VEPH1: variants seen among roughly 807,000 people sequenced by gnomAD.
VEPH1 encodes ventricular zone expressed PH domain containing 1.
A neutral mutation model predicts 85.2 loss-of-function variants in VEPH1; 80 were observed. The ratio of observed to expected loss-of-function variants is 0.94; its 90% CI spans 0.78 to 1.13. VEPH1 has a LOEUF of 1.13. VEPH1 is among the 50% of genes most tolerant of loss of function. The pLI is 0.00. For synonymous variants in VEPH1, 297 were observed against 348.0 expected, an observed-to-expected ratio of 0.85 and a Z score of 1.63; for missense variants, 955 against 980.5, an observed-to-expected ratio of 0.97 and a Z score of 0.35.
intron 4 of VEPH1, among the ~76,000 whole-genome samples, chr3:157,438,523 G>T (rs1174762227): frequency 1.3e-5 from 2 of 152,174 alleles, no homozygotes; most frequent in African/African-American, 2.4e-5. Flanking sequence ...AGCCCCCGGG[G>T]TTTGTGGAAT....
At chr3:157,480,329 C>A (rs562079418) in intron 2 of VEPH1, among the ~76,000 whole-genome samples, 2 of 152,048 alleles carry the variant, frequency 1.3e-5, no homozygotes, top group South Asian at 2.1e-4. Context: ...AGATTCAGAG[C>A]GTACATCAGC....
intron 7 of VEPH1, among the ~76,000 whole-genome samples, chr3:157,366,432 A>G (rs1726705561): frequency 6.6e-6 from 1 of 152,024 alleles, no homozygotes; most frequent in South Asian, 2.1e-4. Flanking sequence ...AACAAGAAAG[A>G]AAAAGAAAGA....
chr3:157,275,634 T>C (rs1715296471), intron 12 of VEPH1, among the ~76,000 whole-genome samples: 1 of 152,060 alleles, frequency 6.6e-6, no homozygotes, highest in Non-Finnish European at 1.5e-5. Context: ...TATATATCAA[T>C]ATATAGATAT....
chr3:157,279,232 A>G (rs558911621), intron 12 of VEPH1, among the ~76,000 whole-genome samples: 1 of 152,338 alleles, frequency 6.6e-6, no homozygotes, highest in African/African-American at 2.4e-5. Flanking sequence ...AGGAGTGTCC[A>G]GAGAGTAGGA....
chr3:157,369,220 C>T (rs183714303), intron 7 of VEPH1, among the ~76,000 whole-genome samples: 120 of 115,644 alleles, frequency 1.0e-3, no homozygotes, highest in African/African-American at 3.5e-3. Context: ...TGAGGTCTAC[C>T]AGATGCCCAT....
chr3:157,475,155 ATT>A (rs557209438), intron 2 of VEPH1, among the ~76,000 whole-genome samples: 1,797 of 127,572 alleles, frequency 0.014, 34 homozygotes, highest in African/African-American at 0.05. Flanking sequence ...AATTTTTTTA[ATT>A]TTTTTTTTTT....
At chr3:157,442,523 G>A (rs761820081) in intron 4 of VEPH1, 5 of 1,614,228 alleles carry the variant, frequency 3.1e-6, no homozygotes, top group Admixed American at 1.7e-5. Context: ...ATGGCACAAA[G>A]AGGAATCCAT....
intron 11 of VEPH1, 121 bp from the exon 12 acceptor site, chr3:157,286,795 T>G: frequency 1.3e-6 from 1 of 779,370 alleles, no homozygotes; most frequent in Non-Finnish European, 2.1e-6. Flanking sequence ...TACTAAAGAC[T>G]AAGAGGCAGC....
intron 4 of VEPH1, among the ~76,000 whole-genome samples, chr3:157,454,007 A>C (rs1230635480): frequency 6.6e-6 from 1 of 152,176 alleles, no homozygotes; most frequent in Admixed American, 6.5e-5. Flanking sequence ...TCGAAAAAGC[A>C]TTTTTTAAAA....
At chr3:157,474,348 C>T (rs566727157) in intron 2 of VEPH1, among the ~76,000 whole-genome samples, 1 of 152,014 alleles carries the variant, frequency 6.6e-6, no homozygotes, top group East Asian at 1.9e-4. Flanking sequence ...TTACTGAATG[C>T]TTCTGGCATG....
chr3:157,384,183 G>C (rs899779257), intron 6 of VEPH1, among the ~76,000 whole-genome samples: 18 of 152,204 alleles, frequency 1.2e-4, no homozygotes, highest in African/African-American at 4.3e-4. Context: ...TGAAGCAGAA[G>C]GGGGAGCCAA....
chr3:157,385,400 T>A (rs1729190971), intron 6 of VEPH1, among the ~76,000 whole-genome samples: 1 of 152,170 alleles, frequency 6.6e-6, no homozygotes, highest in Admixed American at 6.5e-5. Context: ...CTTTTGGTTT[T>A]AGGACCGCTT....
At chr3:157,429,169 C>T (rs761398560) in intron 4 of VEPH1, among the ~76,000 whole-genome samples, 12 of 152,164 alleles carry the variant, frequency 7.9e-5, no homozygotes, top group Admixed American at 1.3e-4. Context: ...CTGCAATCAA[C>T]ATATGGGCAA....
chr3:157,359,358 A>G (rs1200718700), intron 9 of VEPH1, among the ~76,000 whole-genome samples: 1 of 152,240 alleles, frequency 6.6e-6, no homozygotes, highest in Non-Finnish European at 1.5e-5. Context: ...CTTGTAAATA[A>G]ATACAATCAG....
In VEPH1 at chr3:157,298,140, A is replaced by C. The variant is rs76275758; in HGVS notation, c.2011-11466T>G. Among the ~76,000 whole-genome samples, 1,024 of 152,366 alleles carry C rather than the reference A, an allele frequency of 6.7e-3. 17 individuals are homozygous for C. The highest frequency in any genetic ancestry group is 0.023 in the African/African-American group (974 of 41,590). On this transcript the variant is annotated intron_variant, in intron 11 of 13. Coordinates refer to ENST00000362010, the MANE Select transcript of VEPH1 (RefSeq NM_001167912.2). ...TATGAAATAATAGTTTTATAGCTGC[A>C]CTTACTCTGTTCCAGGTGCTCTGCT...
chr3:157,278,905 C>T (rs1409196905), intron 12 of VEPH1, among the ~76,000 whole-genome samples: 1 of 151,956 alleles, frequency 6.6e-6, no homozygotes, highest in African/African-American at 2.4e-5. Flanking sequence ...TGAACTGATG[C>T]TGGGGAGTGG....
chr3:157,353,175 T>C (rs1222124505), intron 9 of VEPH1, among the ~76,000 whole-genome samples: 1 of 152,224 alleles, frequency 6.6e-6, no homozygotes, highest in East Asian at 1.9e-4. Flanking sequence ...TTATTCTTAT[T>C]AAAAATTTCC....
chr3:157,279,992 G>A (rs1264506880), intron 12 of VEPH1, among the ~76,000 whole-genome samples: 5 of 143,330 alleles, frequency 3.5e-5, no homozygotes, highest in East Asian at 2.0e-4. Flanking sequence ...CTCCAGCCTG[G>A]CGACAGAGCA....
chr3:157,260,994 C>T lies in VEPH1; in HGVS notation c.*140G>A. On this transcript the variant is annotated 3_prime_UTR_variant, in exon 14 of 14. Transcript: ENST00000362010. ...TACTAAGAATCCTGCCATTTTAGGC[C>T]CTTCTTCTTAAAGGACAACAATTCC... 1 of 1,214,848 alleles carries T rather than the reference C, an allele frequency of 8.2e-7. No individual in the cohort carries two copies. Among genetic ancestry groups the T allele is most frequent in the South Asian group, 1.5e-5 (1 of 66,926 alleles). The allele number at this position is 1,214,848 out of a possible 1,614,324, so 75.3% of individuals were successfully genotyped here.
Sources: allele counts gnomAD v4.1 joint callset (sites outside exome capture counted in the v4.1 genomes callset), GRCh38; gene constraint gnomAD v4.1.1; transcripts MANE v1.5; gene names NCBI Gene and HGNC (gene_info 2026-07-23, HGNC 2026-07-21).